The following MBNL1 variants were observed in gnomAD, a reference collection of about 807,000 sequenced individuals.
MBNL1 encodes muscleblind-like protein 1.
In MBNL1, 8 loss-of-function variants were observed where a neutral mutation model predicts 42.2. That is an observed-to-expected ratio of 0.19 (90% CI 0.11 to 0.34). The LOEUF (loss-of-function observed/expected upper bound fraction) is 0.34. Ranked by LOEUF, MBNL1 falls within the 10% of genes least tolerant of loss-of-function variation. The pLI is 1.00. For missense variants in MBNL1, 309 were observed against 495.3 expected (o/e 0.62, Z 3.57); for synonymous variants, 169 against 173.9 (o/e 0.97, Z 0.22).
chr3:152,258,764 G>T (rs370612), intron 2 of MBNL1, among the ~76,000 whole-genome samples: 87,087 of 151,970 alleles, frequency 0.57, 26,067 homozygotes, highest in Non-Finnish European at 0.66. Flanking sequence ...TTCATCATGG[G>T]AAGGAAAATG....
intron 2 of MBNL1, among the ~76,000 whole-genome samples, chr3:152,305,153 G>A (rs1392347296): frequency 6.6e-6 from 1 of 152,080 alleles, no homozygotes; most frequent in Non-Finnish European, 1.5e-5. Context: ...AAAATTCCAC[G>A]GAGTACCCTT....
intron 2 of MBNL1, among the ~76,000 whole-genome samples, chr3:152,375,599 G>C (rs1156665688): frequency 6.6e-6 from 1 of 152,000 alleles, no homozygotes; most frequent in Non-Finnish European, 1.5e-5. Context: ...TCACATGTTT[G>C]GTAAAAATTC....
chr3:152,331,270 A>G (rs2084340859), intron 2 of MBNL1, among the ~76,000 whole-genome samples: 3 of 152,154 alleles, frequency 2.0e-5, no homozygotes. Flanking sequence ...CAAACTACAG[A>G]AAAAAACCTT....
At chr3:152,245,333 G>A (rs1260641580) in intron 2 of MBNL1, among the ~76,000 whole-genome samples, 1 of 151,938 alleles carries the variant, frequency 6.6e-6, no homozygotes, top group Admixed American at 6.6e-5. Flanking sequence ...TTATACTTTG[G>A]TAAAAACATT....
At chr3:152,409,094 C>G (rs1005689208) in intron 2 of MBNL1, among the ~76,000 whole-genome samples, 1 of 152,146 alleles carries the variant, frequency 6.6e-6, no homozygotes, top group Admixed American at 6.5e-5. Flanking sequence ...CTTGCAAAAG[C>G]CAGTAAACTG....
At chr3:152,392,886 G>A (rs35855551) in intron 2 of MBNL1, among the ~76,000 whole-genome samples, 18,756 of 151,928 alleles carry the variant, frequency 0.12, 1,542 homozygotes, top group Non-Finnish European at 0.18. Flanking sequence ...AATCCCAAAG[G>A]CCTTCTTTTT....
intron 2 of MBNL1, among the ~76,000 whole-genome samples, chr3:152,305,017 T>C (rs2062335723): frequency 6.6e-6 from 1 of 152,196 alleles, no homozygotes; most frequent in Non-Finnish European, 1.5e-5. Context: ...CTGCGTCTAC[T>C]TTTTTTCTCA....
At chr3:152,292,792 A>G (rs929651385) in intron 1 of MBNL1, among the ~76,000 whole-genome samples, 4 of 150,320 alleles carry the variant, frequency 2.7e-5, no homozygotes, top group South Asian at 2.1e-4. Flanking sequence ...TTTTTCAGAC[A>G]GGGTCTTACT....
chr3:152,269,002 T>G lies in MBNL1; in HGVS notation c.-880T>G, dbSNP rs2149623730. 2.2e-6 allele frequency: 1 copy of G among 456,300 alleles called. No individual in the cohort carries two copies. Among genetic ancestry groups the G allele is most frequent in the East Asian group, 6.9e-5 (1 of 14,390 alleles). 28.3% of individuals were successfully genotyped at this position (456,300 alleles called of 1,614,324 possible). ...TGACAAGGAGCTGACAAGTTCCATTTTCCGTCGCGGGCATCTTGGAATCAT... is the reference window on the plus strand; with the variant it reads ...TGACAAGGAGCTGACAAGTTCCATTGTCCGTCGCGGGCATCTTGGAATCAT... On this transcript the variant is annotated 5_prime_UTR_variant, in exon 1 of 10. Transcript: ENST00000324210.
intron 2 of MBNL1, among the ~76,000 whole-genome samples, chr3:152,351,767 T>C (rs2095028686): frequency 6.6e-6 from 1 of 152,172 alleles, no homozygotes. Context: ...TTAAAATTCT[T>C]TGCTGAAGTG....
At chr3:152,404,849 A>G (rs2098383398) in intron 2 of MBNL1, among the ~76,000 whole-genome samples, 1 of 151,466 alleles carries the variant, frequency 6.6e-6, no homozygotes, top group Admixed American at 6.6e-5. Context: ...TGTCAGTGAA[A>G]TATATAGATA....
At chr3:152,298,922 T>G (rs1273805722) in intron 1 of MBNL1, 1 of 152,226 alleles carries the variant, frequency 6.6e-6, no homozygotes, top group Non-Finnish European at 1.5e-5. Context: ...CTGGTAATGA[T>G]CTTCAAGTGC....
chr3:152,306,863 T>C (rs1400504847), intron 2 of MBNL1, among the ~76,000 whole-genome samples: 1 of 152,230 alleles, frequency 6.6e-6, no homozygotes, highest in Non-Finnish European at 1.5e-5. Flanking sequence ...CTTCTCATCT[T>C]GACAAACTTG....
chr3:152,398,490 A>G (rs971308318), intron 2 of MBNL1, among the ~76,000 whole-genome samples: 2 of 152,218 alleles, frequency 1.3e-5, no homozygotes, highest in Admixed American at 6.5e-5. Flanking sequence ...ATAGAATCAA[A>G]TGATGCAAAA....
chr3:152,432,316 A>G (rs2099017728), intron 3 of MBNL1, among the ~76,000 whole-genome samples: 3 of 152,212 alleles, frequency 2.0e-5, no homozygotes, highest in African/African-American at 7.2e-5. Context: ...CAGGTCTTTC[A>G]AGTACATCTG....
In MBNL1 at chr3:152,326,203, C is replaced by T. The variant is rs559811691; in HGVS notation, c.174+25836C>T. ...CAGCAATGTCCTTTTTTAATAGGTA[C>T]GTTTTTCCAGTTAGCATCTATGGTG... On this transcript the variant is annotated intron_variant, in intron 2 of 9. Transcript: ENST00000324210. Among the ~76,000 whole-genome samples, 26 of 152,160 alleles carry T rather than the reference C, an allele frequency of 1.7e-4. No individual in the cohort carries two copies. In the South Asian group the frequency reaches 5.0e-3, roughly 29 times the overall value.
At position 152,414,979 on chromosome 3, in the gene MBNL1, A is replaced by G. The variant is rs1284702026; in HGVS notation, c.213A>G (p.Pro71=). 1.2e-6 allele frequency: 2 copies of G among 1,608,440 alleles called. No individual in the cohort carries two copies. The highest frequency in any genetic ancestry group is 1.7e-6 in the Non-Finnish European group (2 of 1,178,288). The change falls in exon 3 of 10, where the codon CCA becomes CCG. Residue 71 remains proline (P), a synonymous_variant. Coordinates refer to ENST00000324210, the MANE Select transcript of MBNL1 (RefSeq NM_021038.5). ...CSRENCKYLH[P]PPHLKTQLEI... The stretch of plus-strand genomic sequence containing the variant: ...GGGAGAACTGCAAATATCTTCATCC[A>G]CCCCCACATTTAAAAACGCAGTTGG...
intron 2 of MBNL1, among the ~76,000 whole-genome samples, chr3:152,256,515 C>A (rs535895291): frequency 6.6e-6 from 1 of 152,058 alleles, no homozygotes; most frequent in Non-Finnish European, 1.5e-5. Flanking sequence ...AACATCAACC[C>A]GCTCCCCTTA....
At chr3:152,344,884 GGAAAGGCACACAAA>G (rs2093972326) in intron 2 of MBNL1, among the ~76,000 whole-genome samples, 1 of 151,912 alleles carries the variant, frequency 6.6e-6, no homozygotes, top group Non-Finnish European at 1.5e-5. Flanking sequence ...CCATACAGAT[GGAAAGGCACACAAA>G]GACACACAGA....
Sources: allele counts gnomAD v4.1 joint callset (sites outside exome capture counted in the v4.1 genomes callset), GRCh38; gene constraint gnomAD v4.1.1; transcripts MANE v1.5; gene names NCBI Gene and HGNC (gene_info 2026-07-23, HGNC 2026-07-21).